Variants in ZMYND11 observed in about 807,000 individuals in gnomAD.
ZMYND11 encodes zinc finger MYND domain-containing protein 11.
ZMYND11 carries 9 observed loss-of-function variants against 84.9 expected under a neutral mutation model. The ratio of observed to expected loss-of-function variants is 0.11; its 90% CI spans 0.06 to 0.18. The LOEUF (loss-of-function observed/expected upper bound fraction) is 0.18. Among genes scored for constraint, ZMYND11 ranks in the 10% least tolerant of loss-of-function variants. The probability of loss-of-function intolerance (pLI) is 1.00; values close to 1 mark genes in which losing one functional copy is unlikely to be tolerated. For synonymous variants in ZMYND11, 250 were observed against 244.1 expected, an observed-to-expected ratio of 1.02 and a Z score of -0.23; for missense variants, 409 against 761.0, an observed-to-expected ratio of 0.54 and a Z score of 5.44.
rs568705658 is a variant in ZMYND11, at chr10:243,844, G to A, written c.950+1705G>A. ...TGTGCCACTTCACTCCAGCCTGGGCGACACAGTGAGACTCCGTCTCAAAAA... is the reference window on the plus strand; with the variant it reads ...TGTGCCACTTCACTCCAGCCTGGGCAACACAGTGAGACTCCGTCTCAAAAA... On this transcript the variant is annotated intron_variant, in intron 10 of 14. Coordinates refer to ENST00000381604, the MANE Select transcript of ZMYND11 (RefSeq NM_001370100.5). Among the ~76,000 whole-genome samples the A allele has an allele frequency of 5.3e-5, 8 of 152,286 alleles. No individual in the cohort carries two copies. The South Asian group carries it at 6.2e-4, about 12-fold the overall frequency.
intron 10 of ZMYND11, among the ~76,000 whole-genome samples, chr10:243,091 G>A (rs140482937): frequency 3.3e-5 from 5 of 152,260 alleles, no homozygotes; most frequent in South Asian, 4.2e-4. Context: ...TTTTTGGTAG[G>A]TTAGGGTAAG....
chr10:150,357 A>C (rs1410648174), intron 1 of ZMYND11, among the ~76,000 whole-genome samples: 1 of 152,236 alleles, frequency 6.6e-6, no homozygotes, highest in Non-Finnish European at 1.5e-5. Flanking sequence ...GTATGTGTCC[A>C]GGAATTTATC....
intron 2 of ZMYND11, among the ~76,000 whole-genome samples, chr10:184,170 A>T (rs989171819): frequency 1.3e-5 from 2 of 152,206 alleles, no homozygotes; most frequent in African/African-American, 4.8e-5. Context: ...TCTCAGGGAC[A>T]TCATCTGTGA....
chr10:217,593 A>C (rs2131372758), intron 3 of ZMYND11, among the ~76,000 whole-genome samples: 1 of 152,190 alleles, frequency 6.6e-6, no homozygotes, highest in East Asian at 1.9e-4. Flanking sequence ...ATGTGCACAC[A>C]TATATAATTA....
intron 3 of ZMYND11, among the ~76,000 whole-genome samples, chr10:210,905 G>A (rs1189296741): frequency 1.3e-5 from 2 of 152,158 alleles, no homozygotes; most frequent in Non-Finnish European, 2.9e-5. Flanking sequence ...GCTCATGCCT[G>A]TAGTCCTAGC....
rs756417102 is a variant in ZMYND11 at position 248,513 on chromosome 10, G to C, written c.1405G>C (p.Asp469His). 4 of 1,614,166 alleles carry C rather than the reference G, an allele frequency of 2.5e-6. No homozygotes were observed. The Admixed American group carries it at 6.7e-5, about 27-fold the overall frequency. ...NDGVCQSMCH[D>H]KYTKIFNDFK... is the part of the protein sequence containing the mutation. ...CGGCGTGTGTCAGAGCATGTGCCAT[G>C]ACAAATACACCAAGATCTTCAATGA... The change falls in exon 13 of 15, where the codon GAC becomes CAC. Residue 469 changes from aspartate (D) to histidine (H), a missense_variant. Around this residue, in one of 7 missense-constraint regions of ZMYND11, gnomAD observed 141 missense variants for 173.8 expected, o/e 0.81. Coordinates refer to ENST00000381604, the MANE Select transcript of ZMYND11 (RefSeq NM_001370100.5).
chr10:248,129 T>C (rs1053866624), intron 12 of ZMYND11, among the ~76,000 whole-genome samples: 1 of 150,896 alleles, frequency 6.6e-6, no homozygotes, highest in African/African-American at 2.5e-5. Flanking sequence ...TTGCATGTTC[T>C]TTTCATTCAC....
intron 1 of ZMYND11, among the ~76,000 whole-genome samples, chr10:158,423 T>A (rs4623822): frequency 0.65 from 95,335 of 147,702 alleles, 30,961 homozygotes; most frequent in East Asian, 0.83. Context: ...TTTTTTTTTT[T>A]TTTTTTTTAT....
intron 2 of ZMYND11, among the ~76,000 whole-genome samples, chr10:198,426 T>C (rs559772842): frequency 1.3e-5 from 2 of 152,244 alleles, no homozygotes; most frequent in South Asian, 4.1e-4. Context: ...AACAAAAATA[T>C]AATTGAAAGG....
In ZMYND11 at chr10:249,198, G is replaced by A. The variant is rs1952816044; in HGVS notation, c.1686+110G>A. 8 of 1,543,506 alleles carry A rather than the reference G, an allele frequency of 5.2e-6. No homozygotes were observed. The South Asian group carries it at 7.6e-5, about 15-fold the overall frequency. ...CATGCAGAAGATGTTTCTGAAATAAGATCAAATGTGAAATGGTCAGCTTTA... is the reference window on the plus strand; with the variant it reads ...CATGCAGAAGATGTTTCTGAAATAAAATCAAATGTGAAATGGTCAGCTTTA... On this transcript the variant is annotated intron_variant, in intron 14 of 14. Transcript: ENST00000381604.
chr10:195,320 C>T lies in ZMYND11; in HGVS notation c.117-14569C>T, dbSNP rs76842814. ...AAGTGAAAGTTCTGAAATACAAGAA[C>T]GAATAATGAGCAAAGACTTGATAAA... On this transcript the variant is annotated intron_variant, in intron 2 of 14. Transcript: ENST00000381604. Among the ~76,000 whole-genome samples the T allele has an allele frequency of 2.1e-3, 314 of 151,916 alleles. 6 individuals are homozygous for T. Among genetic ancestry groups the T allele is most frequent in the East Asian group, 0.018 (91 of 5,174 alleles).
intron 2 of ZMYND11, among the ~76,000 whole-genome samples, chr10:187,556 C>T (rs1337259152): frequency 2.0e-5 from 3 of 151,634 alleles, no homozygotes; most frequent in Non-Finnish European, 4.4e-5. Flanking sequence ...ATGGGGTGAA[C>T]CCGGGAGGCG....
chr10:215,111 C>G (rs931531743), intron 3 of ZMYND11, among the ~76,000 whole-genome samples: 5 of 152,136 alleles, frequency 3.3e-5, no homozygotes, highest in Admixed American at 3.3e-4. Context: ...GCCCTTGGCA[C>G]AAAGCTAGAA....
At chr10:188,451 G>T (rs1316630949) in intron 2 of ZMYND11, among the ~76,000 whole-genome samples, 1 of 151,800 alleles carries the variant, frequency 6.6e-6, no homozygotes, top group Non-Finnish European at 1.5e-5. Context: ...AAATTAGCCG[G>T]GTGTGGTGGT....
intron 2 of ZMYND11, among the ~76,000 whole-genome samples, chr10:191,277 C>T (rs1940312428): frequency 6.6e-6 from 1 of 152,126 alleles, no homozygotes; most frequent in Admixed American, 6.6e-5. Context: ...CATATAGATC[C>T]ATCTGATATT....
chr10:140,177 G>A (rs996130394), intron 1 of ZMYND11, among the ~76,000 whole-genome samples: 23 of 152,140 alleles, frequency 1.5e-4, no homozygotes, highest in Non-Finnish European at 3.1e-4. Context: ...AATGTGATTT[G>A]TATAACATAA....
chr10:146,070 A>G (rs781946320), intron 1 of ZMYND11, among the ~76,000 whole-genome samples: 1 of 152,146 alleles, frequency 6.6e-6, no homozygotes, highest in Non-Finnish European at 1.5e-5. Flanking sequence ...GGTGGGAGCT[A>G]GGGATCCAGT....
intron 4 of ZMYND11, among the ~76,000 whole-genome samples, chr10:235,168 A>T (rs1949739681): frequency 6.6e-6 from 1 of 152,200 alleles, no homozygotes; most frequent in Admixed American, 6.5e-5. Flanking sequence ...ATTTTTACAA[A>T]GTTTTTTAAA....
chr10:221,651 G>A (rs945190102), intron 4 of ZMYND11, among the ~76,000 whole-genome samples: 10 of 152,076 alleles, frequency 6.6e-5, no homozygotes, highest in African/African-American at 2.2e-4. Flanking sequence ...TCAGAAATAC[G>A]AAACCTACTA....
Sources: gnomAD v4.1 joint callset for allele counts (sites outside exome capture counted in the v4.1 genomes callset) on GRCh38, gnomAD v4.1.1 for gene constraint, gnomAD v4.1.1 regional missense constraint, MANE v1.5 for transcripts, NCBI Gene and HGNC (gene_info 2026-07-23, HGNC 2026-07-21) for gene names.